ULK1: variants seen among roughly 807,000 people sequenced by gnomAD.
The protein encoded by ULK1 is unc-51 like autophagy activating kinase 1.
A neutral mutation model predicts 117.5 loss-of-function variants in ULK1; 48 were observed. That is an observed-to-expected ratio of 0.41 (90% CI 0.32 to 0.52). The LOEUF is 0.52. Ranked by LOEUF, ULK1 falls within the 20% of genes least tolerant of loss-of-function variation. The pLI is 0.29. For synonymous variants in ULK1, 790 were observed against 637.8 expected, an observed-to-expected ratio of 1.24 and a Z score of -3.60; for missense variants, 1,387 against 1,473.4, an observed-to-expected ratio of 0.94 and a Z score of 0.96.
chr12:131,909,099 CG>C (rs1230495712), intron 7 of ULK1, 36 bp from the exon 8 acceptor site: 5 of 1,599,722 alleles, frequency 3.1e-6, no homozygotes, highest in Middle Eastern at 1.6e-4. Context: ...GGTTGGCGTG[CG>C]GGGGCCTCAC....
intron 3 of ULK1, among the ~76,000 whole-genome samples, chr12:131,899,003 C>A (rs968646555): frequency 6.6e-6 from 1 of 150,968 alleles, no homozygotes; most frequent in African/African-American, 2.4e-5. Context: ...CTCAGCCTCC[C>A]GAGTAGCTGG....
At position 131,916,550 on chromosome 12, in the gene ULK1, T is replaced by TGGCCTGCGGCCAGGCGAGGACCCC; in HGVS notation, c.2032_2055dup (p.Gly678_Pro685dup). On this transcript the variant is annotated inframe_insertion, in exon 20 of 28. Transcript: ENST00000321867. Reference sequence around the variant, plus strand: ...CCTTCCATGGTCAGCCGTTGGGCCCTGGCCTGCGGCCAGGCGAGGACCCCA... The same window carrying TGGCCTGCGGCCAGGCGAGGACCCC: ...CCTTCCATGGTCAGCCGTTGGGCCCTGGCCTGCGGCCAGGCGAGGACCCCGGCCTGCGGCCAGGCGAGGACCCCA... The TGGCCTGCGGCCAGGCGAGGACCCC allele has an allele frequency of 6.2e-7, 1 of 1,604,348 alleles. No homozygotes were observed. Among genetic ancestry groups the TGGCCTGCGGCCAGGCGAGGACCCC allele is most frequent in the Non-Finnish European group, 8.5e-7 (1 of 1,177,812 alleles).
In ULK1 at chr12:131,921,982, C is replaced by T. The variant is rs1566132739; in HGVS notation, c.*621C>T. 2.2e-6 allele frequency: 1 copy of T among 456,032 alleles called. No homozygotes were observed. Among genetic ancestry groups the T allele is most frequent in the Non-Finnish European group, 4.4e-6 (1 of 226,612 alleles). The allele number at this position is 456,032 out of a possible 1,614,324, so 28.2% of individuals were successfully genotyped here. A position where few individuals can be genotyped will look rare whatever the true frequency, so the allele number is the denominator to read the frequency against. Reference sequence around the variant, plus strand: ...CCGAGCACCGGACCACGTTGCTGCCCAGGTCTGGACCTCAGCGGGAGAACT... The same window carrying T: ...CCGAGCACCGGACCACGTTGCTGCCTAGGTCTGGACCTCAGCGGGAGAACT... On this transcript the variant is annotated 3_prime_UTR_variant, in exon 28 of 28. Coordinates refer to ENST00000321867, the MANE Select transcript of ULK1 (RefSeq NM_003565.4).
chr12:131,895,347 G>A (rs1200442191), intron 1 of ULK1, among the ~76,000 whole-genome samples: 2 of 128,400 alleles, frequency 1.6e-5, no homozygotes, highest in Non-Finnish European at 3.2e-5. Context: ...TCCTCACTCC[G>A]AGACCCCCAG....
chr12:131,908,173 A>G (rs977563908), intron 5 of ULK1, among the ~76,000 whole-genome samples: 3 of 152,030 alleles, frequency 2.0e-5, no homozygotes, highest in African/African-American at 7.2e-5. Context: ...GGGCTGGTAG[A>G]TGGACAGGAC....
intron 3 of ULK1, 92 bp from the exon 4 acceptor site, chr12:131,906,800 G>A: frequency 6.5e-7 from 1 of 1,545,610 alleles, no homozygotes; most frequent in Admixed American, 1.7e-5. Context: ...GCACTGCAGG[G>A]CCTGCCCAGG....
At position 131,917,075 on chromosome 12, in the gene ULK1, GT is replaced by G; in HGVS notation, c.2182+14del. 2 of 1,292,446 alleles carry G rather than the reference GT, an allele frequency of 1.5e-6. No individual in the cohort carries two copies. Among genetic ancestry groups the G allele is most frequent in the South Asian group, 1.3e-5 (1 of 78,192 alleles). The allele number at this position is 1,292,446 out of a possible 1,614,324, so 80.1% of individuals were successfully genotyped here. A position where few individuals can be genotyped will look rare whatever the true frequency, so the allele number is the denominator to read the frequency against. On this transcript the variant is annotated intron_variant, in intron 21 of 27. Coordinates refer to ENST00000321867, the MANE Select transcript of ULK1 (RefSeq NM_003565.4). The stretch of plus-strand genomic sequence containing the variant: ...CCCATGGAGATCGGTGTGTGGGTGG[GT>G]GGGGCTCGGAGGCTGTGGGATGGGG...
intron 5 of ULK1, 117 bp from the exon 6 acceptor site, chr12:131,908,527 G>A: frequency 7.8e-7 from 1 of 1,284,424 alleles, no homozygotes; most frequent in Non-Finnish European, 1.0e-6. Context: ...GTTTCCTCCC[G>A]GCCTGCGGCC....
chr12:131,914,226 T>A, intron 15 of ULK1, 126 bp from the exon 16 acceptor site: 2 of 1,445,270 alleles, frequency 1.4e-6, no homozygotes, highest in South Asian at 2.6e-5. Flanking sequence ...CTGGCATGGG[T>A]CTCAGGGTGG....
chr12:131,919,267 A>G lies in ULK1; in HGVS notation c.2567A>G (p.His856Arg). 6.3e-7 allele frequency: 1 copy of G among 1,599,168 alleles called. No homozygotes were observed. Among genetic ancestry groups the G allele is most frequent in the East Asian group, 2.2e-5 (1 of 44,818 alleles). ...GLRFTLLFVQ[H>R]VLEIAALKGS... ...CGCTTCACGCTGCTGTTCGTGCAGC[A>G]CGTCCTGGAGATCGCAGCCCTGAAG... Residue 856 changes from histidine (H) to arginine (R), a missense_variant, in exon 24 of 28, where the codon CAC (histidine) becomes CGC (arginine). Around this residue, in one of 4 missense-constraint regions of ULK1, gnomAD observed 900 missense variants for 858.9 expected, o/e 1.05. Coordinates refer to ENST00000321867, the MANE Select transcript of ULK1 (RefSeq NM_003565.4).
intron 22 of ULK1, among the ~76,000 whole-genome samples, chr12:131,918,097 A>G (rs527687709): frequency 1.3e-5 from 2 of 151,940 alleles, no homozygotes; most frequent in African/African-American, 4.8e-5. Context: ...AGGATGGGGG[A>G]CTGCCTTGCC....
Position 131,902,163 on chromosome 12 carries a change from G to A in ULK1, c.247-4729G>A, listed in dbSNP as rs1247618652. On this transcript the variant is annotated intron_variant, in intron 3 of 27. Transcript: ENST00000321867. The surrounding 1 kb of genome is among the most constrained non-coding windows in gnomAD (Gnocchi z 6.3). ...GGCCCTTCCTTCTTAGGGTGGAGCCGGCATCCCTTCCCTTTTGGGAGCTGT... is the reference window on the plus strand; with the variant it reads ...GGCCCTTCCTTCTTAGGGTGGAGCCAGCATCCCTTCCCTTTTGGGAGCTGT... 2.0e-5 allele frequency among the ~76,000 whole-genome samples: 3 copies of A among 152,152 alleles called. No homozygotes were observed. Among genetic ancestry groups the A allele is most frequent in the African/African-American group, 7.2e-5 (3 of 41,436 alleles).
intron 18 of ULK1, 136 bp from the exon 19 acceptor site, chr12:131,915,755 C>T (rs1466128957): frequency 1.3e-5 from 16 of 1,226,552 alleles, no homozygotes; most frequent in Non-Finnish European, 1.6e-5. Flanking sequence ...AATGACAGGG[C>T]GAGACCCCGT....
In ULK1 at chr12:131,906,755, C is replaced by T. The variant is rs189104230; in HGVS notation, c.247-137C>T. 9.0e-4 allele frequency: 951 copies of T among 1,054,046 alleles called. 1 individual carries two copies. The highest frequency in any genetic ancestry group is 1.3e-3 in the Non-Finnish European group (876 of 696,282). The allele number at this position is 1,054,046 out of a possible 1,614,324, so 65.3% of individuals were successfully genotyped here. The stretch of plus-strand genomic sequence containing the variant: ...AAAGCACGTGGCCCAGAGATGTCCT[C>T]GTCTCCCGGCCGCTGGCTGACCAGC... On this transcript the variant is annotated intron_variant, in intron 3 of 27. Transcript: ENST00000321867.
chr12:131,910,234 ACTC>A lies in ULK1; in HGVS notation c.809-14_809-12del. ...AGAGCTGGGGTCCTCCTGAGGCCTC[ACTC>A]CTCCTTCCTCCTGCAGATGAGTTTT... On this transcript the variant is annotated splice_polypyrimidine_tract_variant and intron_variant, in intron 10 of 27. Transcript: ENST00000321867. 6.2e-7 allele frequency: 1 copy of A among 1,612,748 alleles called. No homozygotes were observed. Among genetic ancestry groups the A allele is most frequent in the Non-Finnish European group, 8.5e-7 (1 of 1,179,738 alleles).
At position 131,921,890 on chromosome 12, in the gene ULK1, C is replaced by T. The variant is rs142207215; in HGVS notation, c.*529C>T. 8 of 457,830 alleles carry T rather than the reference C, an allele frequency of 1.7e-5. No homozygotes were observed. Among genetic ancestry groups the T allele is most frequent in the Admixed American group, 1.4e-4 (6 of 42,590 alleles). The allele number at this position is 457,830 out of a possible 1,614,324, so 28.4% of individuals were successfully genotyped here. A position where few individuals can be genotyped will look rare whatever the true frequency, so the allele number is the denominator to read the frequency against. ...GACCTCACCAGGGACTGCTGGGCAG[C>T]GATTCCTGGCAGTGGCCTGGTGTTT... On this transcript the variant is annotated 3_prime_UTR_variant, in exon 28 of 28. Coordinates refer to ENST00000321867, the MANE Select transcript of ULK1 (RefSeq NM_003565.4).
intron 7 of ULK1, 35 bp downstream of exon 7, chr12:131,909,006 C>G (rs575857025): frequency 6.2e-7 from 1 of 1,612,542 alleles, no homozygotes; most frequent in South Asian, 1.1e-5. Context: ...GCCGGGTGGG[C>G]GCCTCTCTGG....
chr12:131,919,923 T>G (rs1009668175), intron 25 of ULK1, 56 bp from the exon 26 acceptor site: 8 of 1,587,068 alleles, frequency 5.0e-6, no homozygotes, highest in African/African-American at 1.3e-5. Flanking sequence ...TCATGGCCAC[T>G]CCAGCCCTGC....
At chr12:131,904,470 G>T (rs954274512) in intron 3 of ULK1, among the ~76,000 whole-genome samples, 7 of 152,168 alleles carry the variant, frequency 4.6e-5, no homozygotes, top group African/African-American at 1.4e-4. Flanking sequence ...TTCTAGGGGT[G>T]AGAGGTGGCT....
Sources: gnomAD v4.1 joint callset for allele counts (sites outside exome capture counted in the v4.1 genomes callset) on GRCh38, gnomAD v4.1.1 for gene constraint, gnomAD v4.1.1 regional missense constraint, Gnocchi (gnomAD v3.1) non-coding constraint, MANE v1.5 for transcripts, NCBI Gene and HGNC (gene_info 2026-07-23, HGNC 2026-07-21) for gene names.